Variants in KLHDC4 observed in about 807,000 individuals in gnomAD.
KLHDC4 encodes the protein kelch domain-containing protein 4.
In KLHDC4, 90 loss-of-function variants were observed where a neutral mutation model predicts 62.4. The ratio of observed to expected loss-of-function variants is 1.44; its 90% CI spans 1.22 to 1.72. KLHDC4 has a LOEUF of 1.72. Among genes scored for constraint, KLHDC4 ranks in the 40% most tolerant of loss-of-function variants. KLHDC4 has a pLI of 0.00. For synonymous variants in KLHDC4, 386 were observed against 284.4 expected, an observed-to-expected ratio of 1.36 and a Z score of -3.59; for missense variants, 1,025 against 699.7, an observed-to-expected ratio of 1.47 and a Z score of -5.25.
chr16:87,752,683 G>T (rs1438377354), intron 4 of KLHDC4, among the ~76,000 whole-genome samples: 2 of 152,084 alleles, frequency 1.3e-5, no homozygotes, highest in Non-Finnish European at 1.5e-5. Flanking sequence ...ACAATCCCAG[G>T]CTTGACCCAG....
Position 87,765,951 on chromosome 16 carries a change from C to T in KLHDC4, c.-61G>A. On this transcript the variant is annotated 5_prime_UTR_variant, in exon 1 of 12. Coordinates refer to ENST00000270583, the MANE Select transcript of KLHDC4 (RefSeq NM_017566.4). Reference sequence around the variant, plus strand: ...AAGAAAACGGCCCGCGCTCTCCGCTCGGAAACAGGTGCTCGTGGGGCGGAG... The same window carrying T: ...AAGAAAACGGCCCGCGCTCTCCGCTTGGAAACAGGTGCTCGTGGGGCGGAG... 1.3e-6 allele frequency: 2 copies of T among 1,486,386 alleles called. No homozygotes were observed. Among genetic ancestry groups the T allele is most frequent in the Non-Finnish European group, 1.8e-6 (2 of 1,093,282 alleles). 92.1% of individuals were successfully genotyped at this position (1,486,386 alleles called of 1,614,324 possible).
At chr16:87,753,179 G>A (rs892231566) in intron 4 of KLHDC4, among the ~76,000 whole-genome samples, 19 of 152,174 alleles carry the variant, frequency 1.2e-4, no homozygotes, top group African/African-American at 4.6e-4. Flanking sequence ...AAAAAGCCCT[G>A]GAAATCTGCA....
intron 9 of KLHDC4, chr16:87,709,937 T>G: frequency 4.2e-6 from 2 of 475,740 alleles, no homozygotes; most frequent in East Asian, 3.4e-5. Context: ...GCTCCACACC[T>G]CCACTGAGAG....
intron 5 of KLHDC4, among the ~76,000 whole-genome samples, chr16:87,741,643 A>T (rs2042261630): frequency 6.6e-6 from 1 of 152,206 alleles, no homozygotes; most frequent in Middle Eastern, 3.2e-3. Flanking sequence ...ATACATTAAC[A>T]CAACTCAAAT....
chr16:87,704,450 A>AG (rs1239194406), downstream of KLHDC4, among the ~76,000 whole-genome samples: 2 of 96,432 alleles, frequency 2.1e-5, no homozygotes, highest in African/African-American at 1.1e-4. Flanking sequence ...GCGCCTGGGG[A>AG]GGGTCCTGAA....
intron 7 of KLHDC4, among the ~76,000 whole-genome samples, chr16:87,722,496 G>C (rs1396201864): frequency 2.0e-5 from 3 of 152,216 alleles, no homozygotes; most frequent in Non-Finnish European, 2.9e-5. Context: ...TTGCCATGCA[G>C]AACCACGGTC....
chr16:87,701,331 G>A, exon 1 of KLHDC4: 1 of 260,880 alleles, frequency 3.8e-6, no homozygotes, highest in Non-Finnish European at 7.7e-6. Flanking sequence ...GGGCGCTCAG[G>A]AACAGGTGAA....
In KLHDC4 at chr16:87,765,962, G is replaced by A. The variant is rs1316640569; in HGVS notation, c.-72C>T. 34 of 1,430,734 alleles carry A rather than the reference G, an allele frequency of 2.4e-5. No homozygotes were observed. The highest frequency in any genetic ancestry group is 1.7e-4 in the Middle Eastern group (1 of 5,826). 88.6% of individuals were successfully genotyped at this position (1,430,734 alleles called of 1,614,324 possible). ...CCGCGCTCTCCGCTCGGAAACAGGTGCTCGTGGGGCGGAGCTCGGCGCACA... is the reference window on the plus strand; with the variant it reads ...CCGCGCTCTCCGCTCGGAAACAGGTACTCGTGGGGCGGAGCTCGGCGCACA... On this transcript the variant is annotated 5_prime_UTR_variant, in exon 1 of 12. Transcript: ENST00000270583.
At chr16:87,762,716 G>A (rs1597433691) in intron 1 of KLHDC4, among the ~76,000 whole-genome samples, 1 of 152,216 alleles carries the variant, frequency 6.6e-6, no homozygotes, top group Non-Finnish European at 1.5e-5. Flanking sequence ...GTGACTCAAG[G>A]TACTGATGTG....
chr16:87,718,323 C>T (rs2037452025), intron 7 of KLHDC4, among the ~76,000 whole-genome samples: 1 of 74,482 alleles, frequency 1.3e-5, no homozygotes, highest in Non-Finnish European at 2.6e-5. Flanking sequence ...CCCTCCCCCT[C>T]CCTCTCCCTC....
intron 4 of KLHDC4, among the ~76,000 whole-genome samples, chr16:87,752,361 G>C (rs1597351822): frequency 7.2e-6 from 1 of 138,028 alleles, no homozygotes; most frequent in African/African-American, 2.7e-5. Context: ...TTTGGAGACA[G>C]AGTCTCGCTC....
chr16:87,736,519 G>A (rs890954072), intron 5 of KLHDC4, among the ~76,000 whole-genome samples: 1 of 152,172 alleles, frequency 6.6e-6, no homozygotes, highest in African/African-American at 2.4e-5. Context: ...AGGGAGAGCC[G>A]TGTGCATGCA....
At position 87,755,489 on chromosome 16, in the gene KLHDC4, C is replaced by G. The variant is rs983826915; in HGVS notation, c.271-197G>C. On this transcript the variant is annotated intron_variant, in intron 3 of 11. Transcript: ENST00000270583. ...CACAATGAAAACGACCGAACGCCCACCAGGCCCATCAATCTGGAAGGTACT... is the reference window on the plus strand; with the variant it reads ...CACAATGAAAACGACCGAACGCCCAGCAGGCCCATCAATCTGGAAGGTACT... The G allele has an allele frequency of 1.7e-5, 8 of 459,218 alleles. 1 individual carries two copies. The Admixed American group carries it at 2.2e-4, about 12-fold the overall frequency. 28.4% of individuals were successfully genotyped at this position (459,218 alleles called of 1,614,324 possible).
intron 5 of KLHDC4, chr16:87,747,450 C>G (rs1171742641): frequency 6.6e-6 from 1 of 152,184 alleles, no homozygotes; most frequent in Admixed American, 6.5e-5. Flanking sequence ...CAAAGAAATC[C>G]ATTTTTAGCA....
chr16:87,753,432 C>A (rs925417260), intron 4 of KLHDC4, among the ~76,000 whole-genome samples: 2 of 152,000 alleles, frequency 1.3e-5, no homozygotes, highest in African/African-American at 4.8e-5. Flanking sequence ...GAGAGAGCGT[C>A]AAAGATCAAG....
intron 7 of KLHDC4, among the ~76,000 whole-genome samples, chr16:87,719,112 C>G (rs976008728): frequency 6.6e-6 from 1 of 151,916 alleles, no homozygotes. Flanking sequence ...TGCCTCTGCC[C>G]GGCTGCCCCG....
In KLHDC4 at chr16:87,765,915, G is replaced by A. The variant is rs1260285830; in HGVS notation, c.-25C>T. ...TCTTGCCGGGTCCCAAGCCGCGACG[G>A]GACACCAGGAAAGAAAACGGCCCGC... On this transcript the variant is annotated 5_prime_UTR_variant, in exon 1 of 12. Transcript: ENST00000270583. 6 of 1,548,880 alleles carry A rather than the reference G, an allele frequency of 3.9e-6. No individual in the cohort carries two copies. Among genetic ancestry groups the A allele is most frequent in the Non-Finnish European group, 3.5e-6 (4 of 1,145,466 alleles).
chr16:87,726,714 C>T (rs1430795813), intron 7 of KLHDC4, 51 bp downstream of exon 7: 2 of 1,337,612 alleles, frequency 1.5e-6, no homozygotes, highest in South Asian at 1.5e-5. Context: ...CCCCGCGCCT[C>T]GCCTGTTTCC....
chr16:87,721,150 G>A (rs1017310811), intron 7 of KLHDC4, among the ~76,000 whole-genome samples: 1 of 152,232 alleles, frequency 6.6e-6, no homozygotes, highest in African/African-American at 2.4e-5. Flanking sequence ...GCCGGGCATA[G>A]TGGCTCATGC....
Sources: gnomAD v4.1 joint callset for allele counts (sites outside exome capture counted in the v4.1 genomes callset) on GRCh38, gnomAD v4.1.1 for gene constraint, MANE v1.5 for transcripts, NCBI Gene and HGNC (gene_info 2026-07-23, HGNC 2026-07-21) for gene names.